ITGA9: variants seen among roughly 807,000 people sequenced by gnomAD.
The protein encoded by ITGA9 is integrin alpha-9.
Under a neutral mutation model 127.8 loss-of-function variants are expected in ITGA9, and 56 were observed. The observed-to-expected ratio is 0.44, with a 90% confidence interval of 0.35 to 0.55. The LOEUF is 0.55. ITGA9 is among the 20% of genes least tolerant of loss of function. The probability of loss-of-function intolerance (pLI) is 0.00; values close to 1 mark genes in which losing one functional copy is unlikely to be tolerated. For synonymous variants in ITGA9, 508 were observed against 514.5 expected (o/e 0.99, Z 0.17); for missense variants, 1,196 against 1,347.1 (o/e 0.89, Z 1.76).
At chr3:37,776,525 G>T (rs1696910235) in intron 23 of ITGA9, among the ~76,000 whole-genome samples, 1 of 152,172 alleles carries the variant, frequency 6.6e-6, no homozygotes, top group Non-Finnish European at 1.5e-5. Flanking sequence ...TAATTTTCTG[G>T]TTTAACCTCA....
chr3:37,635,636 T>C (rs1267095429), intron 16 of ITGA9, among the ~76,000 whole-genome samples: 1 of 152,134 alleles, frequency 6.6e-6, no homozygotes, highest in African/African-American at 2.4e-5. Flanking sequence ...TTTAAAGTTT[T>C]ATTATTATTA....
At chr3:37,691,537 A>T (rs1700832193) in intron 18 of ITGA9, among the ~76,000 whole-genome samples, 1 of 152,136 alleles carries the variant, frequency 6.6e-6, no homozygotes, top group East Asian at 1.9e-4. Flanking sequence ...AAACCGAGAG[A>T]TCTTATGACT....
intron 18 of ITGA9, among the ~76,000 whole-genome samples, chr3:37,688,184 G>C (rs1700799368): frequency 6.6e-6 from 1 of 152,214 alleles, no homozygotes; most frequent in Non-Finnish European, 1.5e-5. Context: ...TTGACCTGGA[G>C]GGGCATGGCT....
At chr3:37,793,634 C>G (rs1697140095) in intron 26 of ITGA9, among the ~76,000 whole-genome samples, 1 of 151,910 alleles carries the variant, frequency 6.6e-6, no homozygotes, top group Non-Finnish European at 1.5e-5. Context: ...GAAGCAGACC[C>G]TGAGATGAGG....
At chr3:37,519,164 G>A in intron 10 of ITGA9, 96 bp from the exon 11 acceptor site, 1 of 836,124 alleles carries the variant, frequency 1.2e-6, no homozygotes, top group African/African-American at 1.7e-5. Context: ...ATAATTTCTG[G>A]TATCCAGGGA....
intron 18 of ITGA9, among the ~76,000 whole-genome samples, chr3:37,705,277 T>C (rs949488681): frequency 2.0e-5 from 3 of 152,234 alleles, no homozygotes; most frequent in Admixed American, 6.5e-5. Flanking sequence ...TTTTCACTTA[T>C]AAAAGTACCA....
intron 14 of ITGA9, among the ~76,000 whole-genome samples, chr3:37,539,232 G>A (rs1001129291): frequency 3.9e-5 from 6 of 152,196 alleles, no homozygotes; most frequent in Non-Finnish European, 8.8e-5. Context: ...TACTTACCCT[G>A]TGTTAATATG....
chr3:37,645,939 A>G (rs547990135), intron 16 of ITGA9, among the ~76,000 whole-genome samples: 6 of 152,238 alleles, frequency 3.9e-5, no homozygotes, highest in African/African-American at 1.4e-4. Context: ...GCGGACACTG[A>G]GCTGCTATTT....
intron 18 of ITGA9, among the ~76,000 whole-genome samples, chr3:37,730,607 G>A (rs745712885): frequency 6.6e-6 from 1 of 152,118 alleles, no homozygotes; most frequent in Admixed American, 6.5e-5. Context: ...TGAGCTCTAC[G>A]AGGACAGCGA....
intron 15 of ITGA9, among the ~76,000 whole-genome samples, chr3:37,562,023 A>G (rs1699495851): frequency 6.6e-6 from 1 of 152,198 alleles, no homozygotes; most frequent in Non-Finnish European, 1.5e-5. Context: ...AACACTGGCC[A>G]TCCTTCAGCT....
At chr3:37,467,529 A>G (rs535698230) in intron 1 of ITGA9, among the ~76,000 whole-genome samples, 1 of 152,282 alleles carries the variant, frequency 6.6e-6, no homozygotes, top group South Asian at 2.1e-4. Context: ...ATTTGGAGCC[A>G]TGGCATTATC....
chr3:37,479,828 A>G (rs1698533673), intron 3 of ITGA9, among the ~76,000 whole-genome samples: 1 of 152,100 alleles, frequency 6.6e-6, no homozygotes. Context: ...TAGGCAAAGC[A>G]CTCTTTGATA....
At chr3:37,603,956 G>C (rs1392041748) in intron 15 of ITGA9, among the ~76,000 whole-genome samples, 1 of 152,234 alleles carries the variant, frequency 6.6e-6, no homozygotes, top group Admixed American at 6.5e-5. Flanking sequence ...CATTCAAGGT[G>C]TGCTGAGCCC....
chr3:37,609,536 C>T (rs1314908908), intron 15 of ITGA9, among the ~76,000 whole-genome samples: 2 of 152,062 alleles, frequency 1.3e-5, no homozygotes, highest in African/African-American at 2.4e-5. Flanking sequence ...TGACATGGTC[C>T]CCACCCATGA....
At chr3:37,666,724 G>A (rs759085133) in intron 17 of ITGA9, among the ~76,000 whole-genome samples, 22 of 152,190 alleles carry the variant, frequency 1.4e-4, no homozygotes, top group Non-Finnish European at 2.8e-4. Flanking sequence ...TCACAGGGTC[G>A]CATGGAAATA....
chr3:37,598,951 T>G (rs1699892875), intron 15 of ITGA9, among the ~76,000 whole-genome samples: 1 of 152,162 alleles, frequency 6.6e-6, no homozygotes, highest in Non-Finnish European at 1.5e-5. Flanking sequence ...TTTGTTACTT[T>G]TCATGCAGAC....
intron 22 of ITGA9, among the ~76,000 whole-genome samples, chr3:37,747,857 T>C (rs1011730255): frequency 6.6e-6 from 1 of 151,996 alleles, no homozygotes; most frequent in African/African-American, 2.4e-5. Context: ...GCCTCCTGAG[T>C]AGCTGGGACT....
At chr3:37,498,453 G>A (rs989996949) in intron 5 of ITGA9, among the ~76,000 whole-genome samples, 1 of 152,058 alleles carries the variant, frequency 6.6e-6, no homozygotes, top group Non-Finnish European at 1.5e-5. Flanking sequence ...GTCAGGCATT[G>A]GGCTGAGTGG....
At chr3:37,601,918 A>G (rs1186906765) in intron 15 of ITGA9, among the ~76,000 whole-genome samples, 1 of 152,182 alleles carries the variant, frequency 6.6e-6, no homozygotes. Flanking sequence ...GATTCTACTC[A>G]TGGTGGAAGG....
Sources: allele counts gnomAD v4.1 joint callset (sites outside exome capture counted in the v4.1 genomes callset), GRCh38; gene constraint gnomAD v4.1.1; transcripts MANE v1.5; gene names NCBI Gene and HGNC (gene_info 2026-07-23, HGNC 2026-07-21).